The following KLRD1 variants were observed in gnomAD, a reference collection of about 807,000 sequenced individuals.
The protein encoded by KLRD1 is killer cell lectin like receptor D1, also known as natural killer cells antigen CD94.
KLRD1 carries 21 observed loss-of-function variants against 22.6 expected under a neutral mutation model. The observed-to-expected ratio is 0.93, with a 90% CI of 0.66 to 1.34. The LOEUF (loss-of-function observed/expected upper bound fraction) is 1.34. Ranked by LOEUF, KLRD1 falls within the 40% of genes most tolerant of loss-of-function variation. The pLI is 0.00. For missense variants in KLRD1, 183 were observed against 208.6 expected, an observed-to-expected ratio of 0.88 and a Z score of 0.76; for synonymous variants, 59 against 71.1, an observed-to-expected ratio of 0.83 and a Z score of 0.85.
At chr12:10,242,039 G>A (rs1231794823) in intron 1 of KLRD1, among the ~76,000 whole-genome samples, 2 of 142,888 alleles carry the variant, frequency 1.4e-5, no homozygotes, top group Admixed American at 7.3e-5. Flanking sequence ...TAATTGACTG[G>A]ATGACTGGAT....
rs1950273411 is a variant in KLRD1, at chr12:10,318,306, G to C, written c.*3513G>C. Reference sequence around the variant, plus strand: ...GTTCAAAATCCCTCAGTGGAATCCAGGGTCAATTTGTTTATTGATAGCTTC... The same window carrying C: ...GTTCAAAATCCCTCAGTGGAATCCACGGTCAATTTGTTTATTGATAGCTTC... On this transcript the variant is annotated 3_prime_UTR_variant, in exon 6 of 6. Transcript: ENST00000336164. 6.6e-6 allele frequency: 1 copy of C among 152,094 alleles called. No individual in the cohort carries two copies. Among genetic ancestry groups the C allele is most frequent in the Admixed American group, 6.6e-5 (1 of 15,260 alleles). The allele number at this position is 152,094 out of a possible 1,614,324, so 9.4% of individuals were successfully genotyped here.
chr12:10,306,371 T>G (rs1374504739), upstream of KLRD1, among the ~76,000 whole-genome samples: 1 of 152,100 alleles, frequency 6.6e-6, no homozygotes, highest in East Asian at 1.9e-4. Flanking sequence ...TGAACTAAGA[T>G]GAAAAAAAGG....
At chr12:10,251,275 C>T (rs1439640683) in intron 1 of KLRD1, among the ~76,000 whole-genome samples, 2 of 152,082 alleles carry the variant, frequency 1.3e-5, no homozygotes, top group Non-Finnish European at 2.9e-5. Context: ...CAGGCAAGCA[C>T]CACCAAGCCG....
chr12:10,278,706 C>T (rs1203877842), intron 1 of KLRD1, among the ~76,000 whole-genome samples: 5 of 152,202 alleles, frequency 3.3e-5, no homozygotes, highest in African/African-American at 1.2e-4. Context: ...CTTCCGAAAA[C>T]TGCCACTTAA....
At position 10,321,452 on chromosome 12, in the gene KLRD1, A is replaced by T. The variant is rs1054032766; in HGVS notation, c.*6659A>T. ...GGATTTTGTATGTGGGAGGGACATA[A>T]ATCATTTGGGGCCAAAGATTAGACT... On this transcript the variant is annotated 3_prime_UTR_variant, in exon 6 of 6. Transcript: ENST00000336164. 1 of 152,184 alleles carries T rather than the reference A, an allele frequency of 6.6e-6. No homozygotes were observed. The highest frequency in any genetic ancestry group is 1.5e-5 in the Non-Finnish European group (1 of 68,044). 9.4% of individuals were successfully genotyped at this position (152,184 alleles called of 1,614,324 possible).
intron 1 of KLRD1, among the ~76,000 whole-genome samples, chr12:10,292,734 A>G (rs542083994): frequency 1.3e-5 from 2 of 152,166 alleles, no homozygotes; most frequent in Non-Finnish European, 2.9e-5. Context: ...AACTTAAGTC[A>G]CCAGTTAGCC....
At chr12:10,262,466 G>T (rs1452037456) in intron 1 of KLRD1, among the ~76,000 whole-genome samples, 1 of 152,024 alleles carries the variant, frequency 6.6e-6, no homozygotes, top group South Asian at 2.1e-4. Flanking sequence ...ATATACGAGA[G>T]TTTTTCTGAC....
rs1950323170 is a variant in KLRD1 at position 10,322,790 on chromosome 12, AC to A, written c.*7999del. On this transcript the variant is annotated 3_prime_UTR_variant, in exon 6 of 6. Transcript: ENST00000336164. ...TTACTACCAGATTGCAATAGAGACT[AC>A]CTACCACCACCAAGACTCTCTTGCT... 6.6e-6 allele frequency: 1 copy of A among 152,204 alleles called. No individual in the cohort carries two copies. Among genetic ancestry groups the A allele is most frequent in the South Asian group, 2.1e-4 (1 of 4,830 alleles). The allele number at this position is 152,204 out of a possible 1,614,324, so 9.4% of individuals were successfully genotyped here. A position where few individuals can be genotyped will look rare whatever the true frequency, so the allele number is the denominator to read the frequency against.
chr12:10,278,410 C>G (rs1949610685), intron 1 of KLRD1, among the ~76,000 whole-genome samples: 1 of 152,114 alleles, frequency 6.6e-6, no homozygotes, highest in Non-Finnish European at 1.5e-5. Context: ...ATTTGGTGGA[C>G]TTCCATGCTC....
At chr12:10,268,596 G>A (rs934059990) in intron 1 of KLRD1, among the ~76,000 whole-genome samples, 15 of 152,106 alleles carry the variant, frequency 9.9e-5, no homozygotes, top group Admixed American at 6.5e-5. Flanking sequence ...GGATAAGAAA[G>A]CGCGTCATCT....
intron 1 of KLRD1, among the ~76,000 whole-genome samples, chr12:10,258,936 A>G (rs985837664): frequency 2.0e-5 from 3 of 152,244 alleles, no homozygotes; most frequent in Admixed American, 2.0e-4. Flanking sequence ...CGAAGAAGCC[A>G]AAGAAACTTA....
upstream of KLRD1, among the ~76,000 whole-genome samples, chr12:10,304,765 C>T (rs1949898519): frequency 6.6e-6 from 1 of 152,130 alleles, no homozygotes; most frequent in South Asian, 2.1e-4. Context: ...ATACATCCTG[C>T]TAAAATCATT....
chr12:10,293,005 C>A (rs1350268567), intron 1 of KLRD1, among the ~76,000 whole-genome samples: 2 of 149,802 alleles, frequency 1.3e-5, no homozygotes, highest in Non-Finnish European at 3.0e-5. Context: ...TCTCAAGAAG[C>A]AACCTCTGCT....
rs1950286470 is a variant in KLRD1, at chr12:10,319,152, T to C, written c.*4359T>C. 1 of 152,184 alleles carries C rather than the reference T, an allele frequency of 6.6e-6. No individual in the cohort carries two copies. Among genetic ancestry groups the C allele is most frequent in the Non-Finnish European group, 1.5e-5 (1 of 68,038 alleles). 9.4% of individuals were successfully genotyped at this position (152,184 alleles called of 1,614,324 possible). On this transcript the variant is annotated 3_prime_UTR_variant, in exon 6 of 6. Coordinates refer to ENST00000336164, the MANE Select transcript of KLRD1 (RefSeq NM_002262.5). ...AAAAGAATTTTATTGACAAAACATATGGTGAGACAGATTTGGTCCACAGGC... is the reference window on the plus strand; with the variant it reads ...AAAAGAATTTTATTGACAAAACATACGGTGAGACAGATTTGGTCCACAGGC...
chr12:10,312,377 G>A (rs1281113520), intron 4 of KLRD1, among the ~76,000 whole-genome samples: 1 of 147,004 alleles, frequency 6.8e-6, no homozygotes, highest in Non-Finnish European at 1.5e-5. Context: ...TTTTTTGTTT[G>A]TTTGTTTGTT....
At chr12:10,243,360 T>C (rs1949258357) in intron 1 of KLRD1, among the ~76,000 whole-genome samples, 1 of 151,964 alleles carries the variant, frequency 6.6e-6, no homozygotes, top group African/African-American at 2.4e-5. Context: ...ATGCCTGTAA[T>C]CCCAGCACTT....
intron 1 of KLRD1, among the ~76,000 whole-genome samples, chr12:10,247,183 T>G (rs1442217584): frequency 6.6e-6 from 1 of 152,050 alleles, no homozygotes; most frequent in African/African-American, 2.4e-5. Flanking sequence ...GAATTTCTAT[T>G]TATATCAATA....
intron 1 of KLRD1, among the ~76,000 whole-genome samples, chr12:10,254,844 G>C (rs1026989162): frequency 3.8e-5 from 5 of 132,842 alleles, no homozygotes; most frequent in Non-Finnish European, 8.3e-5. Context: ...AGTGAGCTGA[G>C]ATTGCGCTAC....
chr12:10,256,047 G>A (rs1394342115), intron 1 of KLRD1, among the ~76,000 whole-genome samples: 2 of 151,814 alleles, frequency 1.3e-5, no homozygotes, highest in African/African-American at 4.8e-5. Flanking sequence ...TTATTCTTGA[G>A]GAATTGACAC....
Sources: allele counts gnomAD v4.1 joint callset (sites outside exome capture counted in the v4.1 genomes callset), GRCh38; gene constraint gnomAD v4.1.1; transcripts MANE v1.5; gene names NCBI Gene and HGNC (gene_info 2026-07-23, HGNC 2026-07-21).